The following ACSL5 variants were observed in gnomAD, a reference collection of about 807,000 sequenced individuals.
ACSL5 encodes the protein long-chain-fatty-acid--CoA ligase 5.
ACSL5 carries 50 observed loss-of-function variants against 84.9 expected under a neutral mutation model. That is an observed-to-expected ratio of 0.59 (90% confidence interval 0.47 to 0.75). The LOEUF is 0.75. Ranked by LOEUF, ACSL5 falls within the 30% of genes least tolerant of loss-of-function variation. The pLI is 0.00. For missense variants in ACSL5, 775 were observed against 830.4 expected (o/e 0.93, Z 0.82); for synonymous variants, 280 against 300.7 (o/e 0.93, Z 0.71).
At position 112,391,679 on chromosome 10, in the gene ACSL5, G is replaced by A. The variant is rs541272167; in HGVS notation, c.-29-3239G>A. 1.4e-4 allele frequency among the ~76,000 whole-genome samples: 21 copies of A among 152,306 alleles called. No individual in the cohort carries two copies. The East Asian group carries it at 3.5e-3, about 25-fold the overall frequency. On this transcript the variant is annotated intron_variant, in intron 1 of 20. Transcript: ENST00000354655. The stretch of plus-strand genomic sequence containing the variant: ...AGGAGTAGTCAAACATTAACAGACC[G>A]TGATCCAAATTAAACTATGAAATGT...
At chr10:112,412,214 G>A (rs1030456097) in intron 11 of ACSL5, 2 of 492,452 alleles carry the variant, frequency 4.1e-6, no homozygotes, top group South Asian at 3.6e-5. Context: ...CTGCCTTCAT[G>A]GGGGTGTGTG....
In ACSL5 at chr10:112,376,180, A is replaced by G. The variant is rs901812247; in HGVS notation, c.-30+1911A>G. On this transcript the variant is annotated intron_variant, in intron 1 of 20. Transcript: ENST00000354655. ...TCCTGGTCAGAACACTTCCACTTTC[A>G]GTTGTGAAAAAAAAAATTAAAACCA... 4 of 1,292,368 alleles carry G rather than the reference A, an allele frequency of 3.1e-6. No individual in the cohort carries two copies. In the African/African-American group the frequency reaches 5.9e-5, roughly 19 times the overall value. 80.1% of individuals were successfully genotyped at this position (1,292,368 alleles called of 1,614,324 possible).
At chr10:112,390,258 TG>T (rs199663458) in intron 1 of ACSL5, among the ~76,000 whole-genome samples, 2,518 of 152,086 alleles carry the variant, frequency 0.017, 34 homozygotes, top group Middle Eastern at 0.031. Flanking sequence ...GAAATACAAA[TG>T]GCCAAGAAGC....
At position 112,398,930 on chromosome 10, in the gene ACSL5, G is replaced by C; in HGVS notation, c.186G>C (p.Lys62Asn). Residue 62 changes from lysine to asparagine, a missense_variant, in exon 3 of 21, where the codon AAG (lysine) becomes AAC (asparagine). By Grantham distance (94) the Lys-to-Asn change is moderately conservative. Coordinates refer to ENST00000354655, the MANE Select transcript of ACSL5 (RefSeq NM_203379.2). ...EGGARKGVSQ[K>N]NNDLTSCCFS... ...GAGCACGGAAGGGGGTTTCCCAGAA[G>C]AACAATGACCTAACAAGTTGCTGCT... The C allele has an allele frequency of 6.2e-7, 1 of 1,614,128 alleles. No individual in the cohort carries two copies. Among genetic ancestry groups the C allele is most frequent in the Non-Finnish European group, 8.5e-7 (1 of 1,180,002 alleles).
At chr10:112,374,517 A>T (rs3808920) in intron 1 of ACSL5, among the ~76,000 whole-genome samples, 56,830 of 151,964 alleles carry the variant, frequency 0.37, 11,094 homozygotes, top group East Asian at 0.63. Flanking sequence ...ATTGGAAGGG[A>T]ACACTGATTT....
chr10:112,393,611 G>A (rs1294146068), intron 1 of ACSL5, among the ~76,000 whole-genome samples: 1 of 152,168 alleles, frequency 6.6e-6, no homozygotes, highest in Admixed American at 6.5e-5. Context: ...AGCTTGCTTT[G>A]TTCTTTTGAT....
At chr10:112,419,569 A>G (rs926050545) in intron 14 of ACSL5, 2 of 152,212 alleles carry the variant, frequency 1.3e-5, no homozygotes, top group Non-Finnish European at 2.9e-5. Context: ...AAAATCTGAA[A>G]TGCTCCAAAA....
At chr10:112,401,827 TCTTTCTTTCTTTCTTCCTTC>T (rs747728836) in intron 3 of ACSL5, among the ~76,000 whole-genome samples, 2,163 of 117,214 alleles carry the variant, frequency 0.018, 19 homozygotes, top group Middle Eastern at 0.028. Context: ...TTTCTTTCTT[TCTTTCTTTCTTTCTTCCTTC>T]CTTCCTTCCT....
At chr10:112,389,515 C>T (rs2133580697) in intron 1 of ACSL5, among the ~76,000 whole-genome samples, 1 of 152,266 alleles carries the variant, frequency 6.6e-6, no homozygotes, top group South Asian at 2.1e-4. Context: ...AAATCCCAGA[C>T]ACAGCATGAC....
intron 17 of ACSL5, 68 bp downstream of exon 17, chr10:112,422,509 A>G (rs2133664549): frequency 1.4e-6 from 2 of 1,452,456 alleles, no homozygotes; most frequent in Non-Finnish European, 1.9e-6. Context: ...TGCTTATAGC[A>G]AGAGGTGCAG....
At chr10:112,424,517 T>G (rs1294584558) in intron 17 of ACSL5, 1 of 152,230 alleles carries the variant, frequency 6.6e-6, no homozygotes, top group Non-Finnish European at 1.5e-5. Context: ...AACACTCTAA[T>G]AAGCCTAGGA....
chr10:112,412,423 G>A (rs78148437), intron 11 of ACSL5: 2,498 of 162,042 alleles, frequency 0.015, 78 homozygotes, highest in African/African-American at 0.057. Context: ...CCCCCGCGCC[G>A]GTTTTTGCAC....
chr10:112,387,350 G>A (rs1401936731), intron 1 of ACSL5, among the ~76,000 whole-genome samples: 1 of 152,204 alleles, frequency 6.6e-6, no homozygotes, highest in Admixed American at 6.5e-5. Context: ...ACACACACCT[G>A]GTTCACGTTC....
chr10:112,426,618 CT>C, intron 19 of ACSL5, 169 bp from the exon 20 acceptor site: 1 of 650,230 alleles, frequency 1.5e-6, no homozygotes. Flanking sequence ...TTAGATGTGC[CT>C]TTTCTTCTCA....
intron 10 of ACSL5, 82 bp downstream of exon 10, chr10:112,411,611 GACACACAC>G: frequency 1.7e-6 from 2 of 1,163,062 alleles, no homozygotes; most frequent in East Asian, 2.5e-5. Context: ...AGAGCAGGCA[GACACACAC>G]ACACACATAC....
intron 5 of ACSL5, among the ~76,000 whole-genome samples, chr10:112,405,310 A>G (rs1284399285): frequency 6.6e-6 from 1 of 152,214 alleles, no homozygotes. Flanking sequence ...CATTAGGCAC[A>G]TTATCCCCAG....
intron 12 of ACSL5, among the ~76,000 whole-genome samples, chr10:112,414,382 G>T (rs1844267537): frequency 1.7e-5 from 2 of 118,342 alleles, no homozygotes; most frequent in African/African-American, 3.3e-5. Flanking sequence ...TTGAGACAGA[G>T]TCCCACTCTG....
chr10:112,416,844 T>C, intron 12 of ACSL5, 44 bp from the exon 13 acceptor site: 1 of 1,601,830 alleles, frequency 6.2e-7, no homozygotes. Flanking sequence ...CTTTGATGAG[T>C]ATCTCCAATA....
At chr10:112,426,751 A>C (rs201153352) in intron 19 of ACSL5, 37 bp from the exon 20 acceptor site, 3 of 1,594,876 alleles carry the variant, frequency 1.9e-6, no homozygotes, top group South Asian at 1.1e-5. Context: ...AGGCTTTTTG[A>C]AACAGCCATG....
Sources: allele counts gnomAD v4.1 joint callset (sites outside exome capture counted in the v4.1 genomes callset), GRCh38; gene constraint gnomAD v4.1.1; transcripts MANE v1.5; gene names NCBI Gene and HGNC (gene_info 2026-07-23, HGNC 2026-07-21).